MCM7: variants seen among roughly 807,000 people sequenced by gnomAD.
MCM7 encodes DNA replication licensing factor MCM7.
A neutral mutation model predicts 83.5 loss-of-function variants in MCM7; 95 were observed. The ratio of observed to expected loss-of-function variants is 1.14; its 90% CI spans 0.96 to 1.35. The LOEUF is 1.35. Ranked by LOEUF, MCM7 falls within the 40% of genes most tolerant of loss-of-function variation. The pLI is 0.00. For synonymous variants in MCM7, 461 were observed against 352.7 expected, an observed-to-expected ratio of 1.31 and a Z score of -3.44; for missense variants, 1,087 against 957.4, an observed-to-expected ratio of 1.14 and a Z score of -1.79.
chr7:100,095,251 TG>T (rs1795557167), intron 12 of MCM7, 135 bp downstream of exon 12: 1 of 781,484 alleles, frequency 1.3e-6, no homozygotes, highest in Non-Finnish European at 2.2e-6. Flanking sequence ...ACTTAAAAGC[TG>T]ATCTGAGGCT....
intron 1 of MCM7, chr7:100,100,429 C>T: frequency 9.8e-7 from 1 of 1,024,460 alleles, no homozygotes; most frequent in Non-Finnish European, 1.2e-6. Flanking sequence ...GATCCCCCGC[C>T]TTCTTTGGGT....
chr7:100,094,266 G>T lies in MCM7; in HGVS notation c.1755C>A (p.Tyr585Ter). ...CCCAAGCCTCTCGCCTCATCTCCAC[G>T]TATGCTGCTGTGATGTAGTCAGCCA... ...ESLADYITAAYVEMRREAWAS... is the reference protein window; with the variant it reads ...ESLADYITAA Residue 585 changes from tyrosine (Y) to a stop codon, truncating the protein, a stop_gained, in exon 13 of 15, where the codon TAC (tyrosine) becomes TAA (stop). Transcript: ENST00000303887. LOFTEE classifies it high-confidence loss of function. The T allele has an allele frequency of 1.2e-6, 2 of 1,614,194 alleles. No individual in the cohort carries two copies. Among genetic ancestry groups the T allele is most frequent in the Non-Finnish European group, 1.7e-6 (2 of 1,180,042 alleles).
At chr7:100,100,487 A>G (rs937350246) in intron 1 of MCM7, 1 of 943,018 alleles carries the variant, frequency 1.1e-6, no homozygotes, top group Non-Finnish European at 1.3e-6. Flanking sequence ...GCACCCCGCC[A>G]CCGCACCCCA....
At chr7:100,100,271 G>C (rs1009008863) in intron 1 of MCM7, 178 bp from the exon 2 acceptor site, 3 of 1,379,708 alleles carry the variant, frequency 2.2e-6, no homozygotes, top group Non-Finnish European at 1.9e-6. Flanking sequence ...AACCAGCGAA[G>C]AATAAAGAGC....
At chr7:100,094,401 G>A in intron 12 of MCM7, 60 bp from the exon 13 acceptor site, 1 of 1,592,406 alleles carries the variant, frequency 6.3e-7, no homozygotes, top group East Asian at 2.2e-5. Flanking sequence ...GTGAATATGA[G>A]CCCATGTTGT....
chr7:100,099,482 AG>A, intron 3 of MCM7, 79 bp from the exon 4 acceptor site: 1 of 1,586,446 alleles, frequency 6.3e-7, no homozygotes. Flanking sequence ...ACCAGGCAGA[AG>A]TGCCCCTCCT....
intron 14 of MCM7, 34 bp from the exon 15 acceptor site, chr7:100,093,167 TACAA>T: frequency 1.2e-6 from 2 of 1,609,850 alleles, no homozygotes; most frequent in Non-Finnish European, 1.7e-6. Context: ...AAGGTCAGGA[TACAA>T]ACAGGAATGC....
At chr7:100,098,957 G>T in intron 5 of MCM7, 66 bp downstream of exon 5, 1 of 1,592,928 alleles carries the variant, frequency 6.3e-7, no homozygotes, top group Non-Finnish European at 8.6e-7. Flanking sequence ...GGCATCACAG[G>T]ATCAAATTAA....
chr7:100,097,134 T>C (rs911242938), intron 10 of MCM7, among the ~76,000 whole-genome samples, 167 bp downstream of exon 10: 1 of 152,130 alleles, frequency 6.6e-6, no homozygotes, highest in African/African-American at 2.4e-5. Flanking sequence ...AACTTTTTAG[T>C]AGACATGGAA....
intron 9 of MCM7, 62 bp downstream of exon 9, chr7:100,097,552 T>C (rs1207585220): frequency 6.8e-6 from 11 of 1,609,998 alleles, no homozygotes; most frequent in Middle Eastern, 2.2e-4. Context: ...GGGACACTTG[T>C]CATCCTTTTT....
intron 2 of MCM7, 129 bp downstream of exon 2, chr7:100,099,885 C>A: frequency 7.1e-7 from 1 of 1,418,330 alleles, no homozygotes; most frequent in Non-Finnish European, 9.8e-7. Context: ...CAGCGCCACA[C>A]AGAGCGATAC....
In MCM7 at chr7:100,099,161, C is replaced by A. The variant is rs1330725253; in HGVS notation, c.444G>T (p.Val148=). The part of the protein sequence containing the change: ...FQGPSSNKPR[V]IREVRADSVG... The stretch of plus-strand genomic sequence containing the variant: ...CAGAGTCAGCCCGCACTTCCCGGAT[C>A]ACACGAGGCTTGTTGCTGCTAGGGC... The change falls in exon 5 of 15, where the codon GTG becomes GTT. Residue 148 remains valine, a synonymous_variant. Transcript: ENST00000303887. 1.9e-6 allele frequency: 3 copies of A among 1,614,146 alleles called. No homozygotes were observed. The highest frequency in any genetic ancestry group is 2.5e-6 in the Non-Finnish European group (3 of 1,180,038).
Position 100,097,647 on chromosome 7 carries a change from C to T in MCM7, c.1084G>A (p.Val362Met), listed in dbSNP as rs1485388513. The stretch of plus-strand genomic sequence containing the variant: ...TTCATGCCTCGAGGAGACTGGTCCA[C>T]ACCCCCGACTAGCAGGAGCAGCAGT... The part of the protein sequence containing the change: ...KALLLLLVGG[V>M]DQSPRGMKIR... The change falls in exon 9 of 15, where the codon GTG (valine) becomes ATG (methionine). Residue 362 changes from valine (V) to methionine (M), a missense_variant. Coordinates refer to ENST00000303887, the MANE Select transcript of MCM7 (RefSeq NM_005916.5). 5.0e-6 allele frequency: 8 copies of T among 1,614,170 alleles called. No individual in the cohort carries two copies. The highest frequency in any genetic ancestry group is 5.9e-6 in the Non-Finnish European group (7 of 1,180,046).
At chr7:100,094,619 G>A (rs565620224) in intron 12 of MCM7, among the ~76,000 whole-genome samples, 13 of 152,210 alleles carry the variant, frequency 8.5e-5, no homozygotes, top group Admixed American at 4.6e-4. Flanking sequence ...ATTAAGAGAG[G>A]ATCCAGACCC....
In MCM7 at chr7:100,096,090, GTTCTCC is replaced by G. The variant is rs1470156231; in HGVS notation, c.1273_1278del (p.Gly425_Glu426del). ...ACCAGGGCCCCACCCTCTAAGGTCA[GTTCTCC>G]ACTCACGGAGTCTCTCAGCACAGCT... On this transcript the variant is annotated inframe_deletion, in exon 11 of 15. Coordinates refer to ENST00000303887, the MANE Select transcript of MCM7 (RefSeq NM_005916.5). 1 of 1,614,120 alleles carries G rather than the reference GTTCTCC, an allele frequency of 6.2e-7. No homozygotes were observed. Among genetic ancestry groups the G allele is most frequent in the East Asian group, 2.2e-5 (1 of 44,874 alleles).
chr7:100,099,907 C>G, intron 2 of MCM7, 107 bp downstream of exon 2: 1 of 1,410,146 alleles, frequency 7.1e-7, no homozygotes, highest in African/African-American at 1.4e-5. Flanking sequence ...CGCTTTTCAG[C>G]CCTCAAACCC....
chr7:100,099,528 G>A, intron 3 of MCM7, 61 bp downstream of exon 3: 1 of 1,597,810 alleles, frequency 6.3e-7, no homozygotes, highest in South Asian at 1.1e-5. Context: ...TATCTGAGCA[G>A]CCTCTCTACA....
At chr7:100,100,254 T>C in intron 1 of MCM7, 161 bp from the exon 2 acceptor site, 1 of 1,405,844 alleles carries the variant, frequency 7.1e-7, no homozygotes, top group African/African-American at 1.4e-5. Context: ...TTCACAAGTC[T>C]GTTTCTAACC....
chr7:100,100,140 T>A (rs1470859048), intron 1 of MCM7, 47 bp from the exon 2 acceptor site: 1 of 1,603,376 alleles, frequency 6.2e-7, no homozygotes, highest in Non-Finnish European at 8.5e-7. Flanking sequence ...TTAAGACAAA[T>A]CTTAGATACC....
Sources: allele counts gnomAD v4.1 joint callset (sites outside exome capture counted in the v4.1 genomes callset), GRCh38; gene constraint gnomAD v4.1.1; transcripts MANE v1.5; gene names NCBI Gene and HGNC (gene_info 2026-07-23, HGNC 2026-07-21).